IL31RA: variants seen among roughly 807,000 people sequenced by gnomAD.
IL31RA encodes interleukin-31 receptor subunit alpha.
IL31RA carries 66 observed loss-of-function variants against 83.7 expected under a neutral mutation model. The observed-to-expected ratio is 0.79, with a 90% CI of 0.65 to 0.97. The LOEUF (loss-of-function observed/expected upper bound fraction) is 0.97. IL31RA is among the 50% of genes least tolerant of loss of function. The pLI is 0.00. For synonymous variants in IL31RA, 325 were observed against 329.0 expected, an observed-to-expected ratio of 0.99 and a Z score of 0.13; for missense variants, 798 against 919.4, an observed-to-expected ratio of 0.87 and a Z score of 1.71.
intron 4 of IL31RA, among the ~76,000 whole-genome samples, chr5:55,881,225 C>A (rs1396057315): frequency 6.6e-6 from 1 of 151,810 alleles, no homozygotes; most frequent in Non-Finnish European, 1.5e-5. Flanking sequence ...TGGCGTGAAC[C>A]CGGAAGGCGG....
At chr5:55,892,296 T>G (rs1460585189) in intron 6 of IL31RA, among the ~76,000 whole-genome samples, 2 of 152,206 alleles carry the variant, frequency 1.3e-5, no homozygotes, top group East Asian at 3.9e-4. Flanking sequence ...TCAGGCCTCA[T>G]GATTTCAGGT....
At position 55,920,591 on chromosome 5, in the gene IL31RA, GA is replaced by G. The variant is rs531045097; in HGVS notation, c.*3475del. ...AACACAGAGTTTTTCCCACAAAGCA[GA>G]AAACGTTTACTCTCTGACCCTTTGC... On this transcript the variant is annotated 3_prime_UTR_variant, in exon 15 of 15. Transcript: ENST00000652347. 1.4e-4 allele frequency among the ~76,000 whole-genome samples: 21 copies of G among 152,298 alleles called. No individual in the cohort carries two copies. The East Asian group carries it at 3.9e-3, about 28-fold the overall frequency.
intron 4 of IL31RA, among the ~76,000 whole-genome samples, chr5:55,875,242 T>TTTA (rs1252070598): frequency 6.6e-6 from 1 of 152,192 alleles, no homozygotes; most frequent in Non-Finnish European, 1.5e-5. Flanking sequence ...TATAATTCTT[T>TTTA]TTATATGTCG....
intron 1 of IL31RA, among the ~76,000 whole-genome samples, chr5:55,854,482 C>T (rs1284613591): frequency 6.6e-6 from 1 of 152,122 alleles, no homozygotes; most frequent in Non-Finnish European, 1.5e-5. Flanking sequence ...AAGTGGCTCA[C>T]ACCTGTAATC....
intron 5 of IL31RA, among the ~76,000 whole-genome samples, chr5:55,884,391 G>A (rs1438046662): frequency 6.6e-6 from 1 of 152,092 alleles, no homozygotes; most frequent in East Asian, 1.9e-4. Flanking sequence ...TTCCATCAAT[G>A]CAGCCTGAAA....
chr5:55,881,215 T>A (rs1029334379), intron 4 of IL31RA, among the ~76,000 whole-genome samples: 1 of 150,784 alleles, frequency 6.6e-6, no homozygotes, highest in South Asian at 2.1e-4. Flanking sequence ...GGCAGGAGAA[T>A]GGCGTGAACC....
At chr5:55,877,712 A>C (rs1746945694) in intron 4 of IL31RA, among the ~76,000 whole-genome samples, 3 of 152,148 alleles carry the variant, frequency 2.0e-5, no homozygotes, top group Admixed American at 2.0e-4. Flanking sequence ...TTAGTTGAAG[A>C]TCCATTGTAT....
At position 55,872,422 on chromosome 5, in the gene IL31RA, A is replaced by C. The variant is rs1746573865; in HGVS notation, c.425A>C (p.His142Pro). 16 of 1,606,598 alleles carry C rather than the reference A, an allele frequency of 1.0e-5. No individual in the cohort carries two copies. Among genetic ancestry groups the C allele is most frequent in the African/African-American group, 1.3e-5 (1 of 74,758 alleles). ...AENGDGVIKSHMTYWRLENIA... is the reference protein window; with the variant it reads ...AENGDGVIKSPMTYWRLENIA... Reference sequence around the variant, plus strand: ...AATGGAGATGGTGTAATTAAATCTCATATGACATACTGGAGATTAGAGAAC... The same window carrying C: ...AATGGAGATGGTGTAATTAAATCTCCTATGACATACTGGAGATTAGAGAAC... Residue 142 changes from histidine (H) to proline (P), a missense_variant, in exon 4 of 15, where the codon CAT becomes CCT. Transcript: ENST00000652347.
intron 2 of IL31RA, among the ~76,000 whole-genome samples, chr5:55,867,318 C>CGTGTGTGTGTGTGT (rs1243377169): frequency 2.4e-5 from 1 of 40,830 alleles, no homozygotes; most frequent in Non-Finnish European, 5.4e-5. Context: ...TGTGTGTGTG[C>CGTGTGTGTGTGTGT]GTGTGTGTGT....
At chr5:55,870,955 A>G (rs1211937761) in intron 3 of IL31RA, among the ~76,000 whole-genome samples, 1 of 152,270 alleles carries the variant, frequency 6.6e-6, no homozygotes, top group African/African-American at 2.4e-5. Flanking sequence ...CAAAGGTCAC[A>G]GCATGAATAA....
intron 4 of IL31RA, among the ~76,000 whole-genome samples, chr5:55,879,241 C>A (rs1747038985): frequency 6.6e-6 from 1 of 151,948 alleles, no homozygotes; most frequent in Admixed American, 6.6e-5. Flanking sequence ...TGAGATGCCA[C>A]CTTCTTCAAA....
chr5:55,868,560 T>C (rs1156445890), intron 2 of IL31RA, among the ~76,000 whole-genome samples: 1 of 152,210 alleles, frequency 6.6e-6, no homozygotes, highest in Non-Finnish European at 1.5e-5. Context: ...TAAGTAAGAA[T>C]GTAAAAAGGG....
At chr5:55,862,620 G>A (rs1455965890) in intron 2 of IL31RA, among the ~76,000 whole-genome samples, 4 of 152,086 alleles carry the variant, frequency 2.6e-5, no homozygotes, top group Non-Finnish European at 5.9e-5. Context: ...TGTTGGCCCG[G>A]CTGGTCTCCA....
intron 3 of IL31RA, 78 bp from the exon 4 acceptor site, chr5:55,872,192 A>T: frequency 2.8e-6 from 3 of 1,059,660 alleles, no homozygotes; most frequent in East Asian, 2.5e-5. Flanking sequence ...CTAACAAATT[A>T]CTGCTTAATA....
chr5:55,864,310 CACCA>C (rs1309547972), intron 2 of IL31RA, among the ~76,000 whole-genome samples: 2 of 149,032 alleles, frequency 1.3e-5, no homozygotes, highest in Admixed American at 6.8e-5. Context: ...CACACACACA[CACCA>C]CACATATACA....
At chr5:55,878,338 G>C (rs1746983097) in intron 4 of IL31RA, among the ~76,000 whole-genome samples, 1 of 152,078 alleles carries the variant, frequency 6.6e-6, no homozygotes, top group Non-Finnish European at 1.5e-5. Context: ...TCTGATGGCT[G>C]GGCTTCCTCA....
At chr5:55,887,514 T>TG (rs1747691266) in intron 5 of IL31RA, among the ~76,000 whole-genome samples, 2 of 152,168 alleles carry the variant, frequency 1.3e-5, no homozygotes, top group African/African-American at 4.8e-5. Flanking sequence ...CCGAGGTGGG[T>TG]GGATCACCTG....
chr5:55,853,656 T>C (rs1313470991), intron 1 of IL31RA: 5 of 1,366,930 alleles, frequency 3.7e-6, no homozygotes, highest in Non-Finnish European at 5.1e-6. Context: ...AGTGAAATTA[T>C]GGGTCAGACC....
intron 8 of IL31RA, among the ~76,000 whole-genome samples, chr5:55,904,835 CTTTTTTT>C (rs10651049): frequency 6.0e-5 from 8 of 132,894 alleles, no homozygotes; most frequent in Admixed American, 3.1e-4. Flanking sequence ...TTTTGGGTTT[CTTTTTTT>C]TTTTTTTTTT....
Sources: allele counts gnomAD v4.1 joint callset (sites outside exome capture counted in the v4.1 genomes callset), GRCh38; gene constraint gnomAD v4.1.1; transcripts MANE v1.5; gene names NCBI Gene and HGNC (gene_info 2026-07-23, HGNC 2026-07-21).